The following PINK1 variants were observed in gnomAD, a reference collection of about 807,000 sequenced individuals.
PINK1 encodes PTEN induced kinase 1.
Under a neutral mutation model 56.0 loss-of-function variants are expected in PINK1, and 58 were observed. That is an observed-to-expected ratio of 1.04 (90% confidence interval 0.84 to 1.29). The LOEUF (loss-of-function observed/expected upper bound fraction) is 1.29. PINK1 is among the 50% of genes most tolerant of loss of function. The pLI is 0.00. For missense variants in PINK1, 745 were observed against 777.9 expected, an observed-to-expected ratio of 0.96 and a Z score of 0.50; for synonymous variants, 354 against 339.3, an observed-to-expected ratio of 1.04 and a Z score of -0.48.
At chr1:20,637,065 T>G (rs2053063568) in intron 1 of PINK1, among the ~76,000 whole-genome samples, 1 of 152,180 alleles carries the variant, frequency 6.6e-6, no homozygotes. Flanking sequence ...TGGTAGGCTA[T>G]GGCCAAGGGG....
Position 20,647,082 on chromosome 1 carries a change from A to C in PINK1, c.1123+1359A>C, listed in dbSNP as rs1570406143. Among the ~76,000 whole-genome samples, 5 of 112,630 alleles carry C rather than the reference A, an allele frequency of 4.4e-5. No homozygotes were observed. In the Admixed American group the frequency reaches 5.0e-4, roughly 11 times the overall value. 73.9% of individuals were successfully genotyped at this position (112,630 alleles called of 152,430 possible). On this transcript the variant is annotated intron_variant, in intron 5 of 7. Transcript: ENST00000321556. ...TTTTTTTTTTTTTTTTTTGAGACTG[A>C]GTCTCGCTCTGTCACCCAGGCTGGA...
chr1:20,637,766 C>T, intron 1 of PINK1, 76 bp from the exon 2 acceptor site: 1 of 1,556,318 alleles, frequency 6.4e-7, no homozygotes, highest in East Asian at 2.2e-5. Flanking sequence ...CTGCACCTCT[C>T]TCTGCCTCCC....
At chr1:20,642,461 T>A (rs2053126047) in intron 3 of PINK1, among the ~76,000 whole-genome samples, 1 of 152,230 alleles carries the variant, frequency 6.6e-6, no homozygotes, top group African/African-American at 2.4e-5. Context: ...CACAGTTATC[T>A]GTTCATGCCA....
intron 1 of PINK1, among the ~76,000 whole-genome samples, chr1:20,637,266 G>A (rs976114168): frequency 6.6e-6 from 1 of 152,224 alleles, no homozygotes; most frequent in African/African-American, 2.4e-5. Flanking sequence ...ACTGCCCCCA[G>A]CACCTGCACC....
In PINK1 at chr1:20,637,902, G is replaced by A. The variant is rs2053073220; in HGVS notation, c.448G>A (p.Gly150Ser). The change falls in exon 2 of 8, where the codon GGC becomes AGC. Residue 150 changes from glycine (G) to serine (S), a missense_variant. Physicochemically the swap from Gly to Ser is moderately conservative, Grantham distance 56. Transcript: ENST00000321556. ...PDPLDTRRLQGFRLEEYLIGQ... is the reference protein window; with the variant it reads ...PDPLDTRRLQSFRLEEYLIGQ... ...CCCGTTGGACACGAGACGCTTGCAGGGCTTTCGGCTGGAGGAGTATCTGAT... is the reference window on the plus strand; with the variant it reads ...CCCGTTGGACACGAGACGCTTGCAGAGCTTTCGGCTGGAGGAGTATCTGAT... 2 of 1,614,068 alleles carry A rather than the reference G, an allele frequency of 1.2e-6. No homozygotes were observed. The highest frequency in any genetic ancestry group is 1.7e-5 in the Admixed American group (1 of 59,996).
In PINK1 at chr1:20,650,946, T is replaced by C. The variant is rs1009580454; in HGVS notation, c.*255T>C. On this transcript the variant is annotated 3_prime_UTR_variant, in exon 8 of 8. Transcript: ENST00000321556. ...AGGCTGGACTGAGGAGGGGTAGGCC[T>C]GCATCCACAGAGAGGATCCAGGCCA... The C allele has an allele frequency of 3.9e-5, 21 of 542,354 alleles. No homozygotes were observed. In the South Asian group the frequency reaches 4.2e-4, roughly 11 times the overall value. 33.6% of individuals were successfully genotyped at this position (542,354 alleles called of 1,614,324 possible).
intron 4 of PINK1, among the ~76,000 whole-genome samples, chr1:20,645,276 G>A (rs1178803911): frequency 6.6e-6 from 1 of 152,082 alleles, no homozygotes; most frequent in Admixed American, 6.5e-5. Context: ...ATCACTTGAG[G>A]TCAGGAGTTT....
Position 20,641,777 on chromosome 1 carries a change from G to A in PINK1, c.776+1785G>A, listed in dbSNP as rs2053117808. Reference sequence around the variant, plus strand: ...TCATCAGCACCCTACACTCCACCACGCTGGCTTCATAGCTCCTTCCCCGAA... The same window carrying A: ...TCATCAGCACCCTACACTCCACCACACTGGCTTCATAGCTCCTTCCCCGAA... On this transcript the variant is annotated intron_variant, in intron 3 of 7. Coordinates refer to ENST00000321556, the MANE Select transcript of PINK1 (RefSeq NM_032409.3). The surrounding 1 kb of genome is among the most constrained non-coding windows in gnomAD (Gnocchi z 4.0). 6.6e-6 allele frequency among the ~76,000 whole-genome samples: 1 copy of A among 152,010 alleles called. No homozygotes were observed. The highest frequency in any genetic ancestry group is 2.4e-5 in the African/African-American group (1 of 41,382).
chr1:20,634,444 C>T (rs925374199), intron 1 of PINK1, among the ~76,000 whole-genome samples: 1 of 152,196 alleles, frequency 6.6e-6, no homozygotes, highest in African/African-American at 2.4e-5. Context: ...GCGAGAAAAA[C>T]AGTCCTAACA....
chr1:20,649,050 C>T lies in PINK1; in HGVS notation c.1307C>T (p.Ala436Val). ...RAVIDYSKADAWAVGAIAYEI... is the reference protein window; with the variant it reads ...RAVIDYSKADVWAVGAIAYEI... ...GTGATTGACTACAGCAAGGCTGATG[C>T]CTGGGCAGTGGGAGCCATCGCCTAT... The change falls in exon 7 of 8, where the codon GCC becomes GTC. Residue 436 changes from alanine (A) to valine (V), a missense_variant. Coordinates refer to ENST00000321556, the MANE Select transcript of PINK1 (RefSeq NM_032409.3). 6.2e-7 allele frequency: 1 copy of T among 1,614,118 alleles called. No individual in the cohort carries two copies. The highest frequency in any genetic ancestry group is 8.5e-7 in the Non-Finnish European group (1 of 1,180,050).
At chr1:20,639,309 C>G (rs560494598) in intron 2 of PINK1, 1 of 173,410 alleles carries the variant, frequency 5.8e-6, no homozygotes, top group Non-Finnish European at 1.3e-5. Flanking sequence ...ACAGCTGTTG[C>G]ATTCACAGCA....
chr1:20,639,663 A>C, intron 2 of PINK1: 5 of 602,414 alleles, frequency 8.3e-6, no homozygotes, highest in Non-Finnish European at 1.2e-5. Flanking sequence ...CTAGGCTGCA[A>C]GAGTTTGAGG....
rs1188055566 is a variant in PINK1 at position 20,650,441 on chromosome 1, C to G, written c.1496C>G (p.Ser499Cys). The G allele has an allele frequency of 6.2e-7, 1 of 1,613,828 alleles. No individual in the cohort carries two copies. The highest frequency in any genetic ancestry group is 1.7e-5 in the Admixed American group (1 of 59,992). The change falls in exon 8 of 8, where the codon TCT (serine) becomes TGT (cysteine). Residue 499 changes from serine (S) to cysteine (C), a missense_variant. Physicochemically the swap from Ser to Cys is moderately radical, Grantham distance 112. Transcript: ENST00000321556. ...CTTCCCTTCCTGTTGCAGAGACCAT[C>G]TGCCCGAGTAGCCGCAAATGTGCTT... ...LLQREASKRP[S>C]ARVAANVLHL...
At chr1:20,634,032 G>A (rs551375519) in intron 1 of PINK1, 97 bp downstream of exon 1, 73 of 1,436,164 alleles carry the variant, frequency 5.1e-5, no homozygotes, top group Admixed American at 1.2e-4. Flanking sequence ...TGGAGGCGGG[G>A]CTCTGAGCAG....
At chr1:20,636,082 G>A (rs1042396944) in intron 1 of PINK1, among the ~76,000 whole-genome samples, 19 of 152,034 alleles carry the variant, frequency 1.2e-4, no homozygotes, top group Non-Finnish European at 2.5e-4. Flanking sequence ...TGGGTGGATT[G>A]CTTGAGCCCA....
intron 3 of PINK1, among the ~76,000 whole-genome samples, chr1:20,640,230 C>CG (rs1482357402): frequency 6.6e-6 from 1 of 152,152 alleles, no homozygotes; most frequent in African/African-American, 2.4e-5. Context: ...GGAGGCCCCC[C>CG]AAAAATGCCC....
intron 3 of PINK1, among the ~76,000 whole-genome samples, chr1:20,640,275 A>G (rs2053102945): frequency 6.6e-6 from 1 of 152,230 alleles, no homozygotes; most frequent in African/African-American, 2.4e-5. Flanking sequence ...TGGGGTTCTC[A>G]GATTCCTCCT....
rs750146116 is a variant in PINK1, at chr1:20,633,761, C to T, written c.213C>T (p.Arg71=). The T allele has an allele frequency of 6.4e-7, 1 of 1,555,044 alleles. No homozygotes were observed. The highest frequency in any genetic ancestry group is 8.6e-7 in the Non-Finnish European group (1 of 1,156,458). ...LGLPNRLRFF[R]QSVAGLAARL... is the part of the protein sequence containing the mutation. ...TCCCTAACCGTCTCCGCTTCTTCCG[C>T]CAGTCGGTGGCCGGGCTGGCGGCGC... The change falls in exon 1 of 8, where the codon CGC becomes CGT. Residue 71 remains arginine, a synonymous_variant. Transcript: ENST00000321556.
At position 20,644,690 on chromosome 1, in the gene PINK1, G is replaced by T; in HGVS notation, c.959+18G>T. 6.2e-7 allele frequency: 1 copy of T among 1,613,358 alleles called. No individual in the cohort carries two copies. Among genetic ancestry groups the T allele is most frequent in the Non-Finnish European group, 8.5e-7 (1 of 1,179,890 alleles). On this transcript the variant is annotated intron_variant, in intron 4 of 7. Coordinates refer to ENST00000321556, the MANE Select transcript of PINK1 (RefSeq NM_032409.3). ...ATGAAGAAGTAAGTGACAGCAGCGC[G>T]GCAGGGCCTGGAGCTGATACATCTC...
Sources: gnomAD v4.1 joint callset for allele counts (sites outside exome capture counted in the v4.1 genomes callset) on GRCh38, gnomAD v4.1.1 for gene constraint, Gnocchi (gnomAD v3.1) non-coding constraint, MANE v1.5 for transcripts, NCBI Gene and HGNC (gene_info 2026-07-23, HGNC 2026-07-21) for gene names.